The following TMIGD3 variants were observed in gnomAD, a reference collection of about 807,000 sequenced individuals.
TMIGD3 encodes transmembrane and immunoglobulin domain containing 3, also known as AD026 protein (AD026).
A neutral mutation model predicts 28.1 loss-of-function variants in TMIGD3; 21 were observed. The observed-to-expected ratio is 0.75, with a 90% confidence interval of 0.53 to 1.08. TMIGD3 has a LOEUF of 1.08. Among genes scored for constraint, TMIGD3 ranks in the 50% least tolerant of loss-of-function variants. TMIGD3 has a pLI of 0.00. For missense variants in TMIGD3, 416 were observed against 435.6 expected (o/e 0.96, Z 0.40); for synonymous variants, 151 against 162.1 (o/e 0.93, Z 0.52).
upstream of TMIGD3, among the ~76,000 whole-genome samples, chr1:111,507,492 G>A (rs1039202957): frequency 6.6e-6 from 1 of 152,174 alleles, no homozygotes; most frequent in Non-Finnish European, 1.5e-5. Context: ...AATAATCTGA[G>A]AGGCTGGCAG....
chr1:111,514,391 T>G (rs190046649), intron 1 of TMIGD3, among the ~76,000 whole-genome samples: 2 of 151,920 alleles, frequency 1.3e-5, no homozygotes, highest in African/African-American at 2.4e-5. Context: ...CAAAAAAAAT[T>G]CAGAAAAAAT....
At chr1:111,508,867 C>A (rs954710065) in intron 1 of TMIGD3, among the ~76,000 whole-genome samples, 5 of 152,168 alleles carry the variant, frequency 3.3e-5, no homozygotes, top group African/African-American at 1.2e-4. Flanking sequence ...GAGGCCGAGG[C>A]GGGCGGATCA....
intron 1 of TMIGD3, among the ~76,000 whole-genome samples, chr1:111,514,755 A>AG (rs2100997596): frequency 6.6e-6 from 1 of 152,280 alleles, no homozygotes; most frequent in African/African-American, 2.4e-5. Flanking sequence ...TTCCCCATGC[A>AG]GTAACACAAT....
At chr1:111,562,149 G>T (rs1460192040) in intron 1 of TMIGD3, among the ~76,000 whole-genome samples, 1 of 151,980 alleles carries the variant, frequency 6.6e-6, no homozygotes, top group Non-Finnish European at 1.5e-5. Flanking sequence ...TTTCTTGTGG[G>T]CAACGTGGAC....
At chr1:111,507,035 GTGTGTA>G (rs1655528873), upstream of TMIGD3, among the ~76,000 whole-genome samples, 3 of 53,756 alleles carry the variant, frequency 5.6e-5, no homozygotes, top group Non-Finnish European at 8.2e-5. Context: ...GTGTGTGTGT[GTGTGTA>G]TATATATATA....
intron 1 of TMIGD3, among the ~76,000 whole-genome samples, chr1:111,550,956 T>A (rs1345149892): frequency 1.3e-5 from 2 of 152,250 alleles, no homozygotes; most frequent in Non-Finnish European, 2.9e-5. Flanking sequence ...CATAGTGGAG[T>A]GACTCTTTTA....
intron 2 of TMIGD3, 118 bp downstream of exon 2, chr1:111,490,538 C>T (rs925859228): frequency 5.8e-5 from 40 of 688,638 alleles, no homozygotes; most frequent in Admixed American, 5.7e-4. Context: ...TTTCCCATCC[C>T]ACTCCTTAGA....
chr1:111,513,648 C>T (rs190607174), intron 1 of TMIGD3, among the ~76,000 whole-genome samples: 14 of 152,160 alleles, frequency 9.2e-5, no homozygotes, highest in African/African-American at 2.9e-4. Flanking sequence ...GAGGAAAGTT[C>T]GACACGGTTT....
At chr1:111,536,079 C>T (rs1319353434) in intron 1 of TMIGD3, among the ~76,000 whole-genome samples, 1 of 152,164 alleles carries the variant, frequency 6.6e-6, no homozygotes. Context: ...CCAAACACCA[C>T]TTCCATTTAT....
intron 1 of TMIGD3, among the ~76,000 whole-genome samples, chr1:111,555,690 T>G (rs1419607942): frequency 2.6e-5 from 4 of 152,126 alleles, no homozygotes; most frequent in African/African-American, 7.2e-5. Context: ...CAACAAATGG[T>G]GTTGGGAAAA....
At chr1:111,549,325 T>C (rs1657161748) in intron 1 of TMIGD3, among the ~76,000 whole-genome samples, 3 of 150,590 alleles carry the variant, frequency 2.0e-5, no homozygotes, top group East Asian at 3.9e-4. Flanking sequence ...TTTTTTTTTT[T>C]CTTGTCTTTT....
At chr1:111,541,665 TGAGAGAGAGAGAGAAA>T (rs59720888) in intron 1 of TMIGD3, among the ~76,000 whole-genome samples, 4,191 of 141,824 alleles carry the variant, frequency 0.03, 180 homozygotes, top group African/African-American at 0.1. Context: ...ACAAGGAAAA[TGAGAGAGAGAGAGAAA>T]GAGAGAGAGA....
intron 1 of TMIGD3, among the ~76,000 whole-genome samples, chr1:111,533,764 A>G (rs1471919371): frequency 6.6e-6 from 1 of 152,158 alleles, no homozygotes; most frequent in African/African-American, 2.4e-5. Context: ...CACGTTGCCC[A>G]GGCTGGTCTC....
At chr1:111,559,302 G>T (rs1015518965) in intron 1 of TMIGD3, among the ~76,000 whole-genome samples, 1 of 152,072 alleles carries the variant, frequency 6.6e-6, no homozygotes, top group Non-Finnish European at 1.5e-5. Context: ...CAGATTCAAA[G>T]AATTGGAAGG....
intron 1 of TMIGD3, among the ~76,000 whole-genome samples, chr1:111,537,995 T>C (rs572566349): frequency 6.6e-5 from 10 of 152,204 alleles, no homozygotes; most frequent in Non-Finnish European, 1.5e-4. Context: ...CCTTAAATAC[T>C]TAAGCATTTA....
intron 1 of TMIGD3, among the ~76,000 whole-genome samples, chr1:111,536,839 C>T (rs1264078155): frequency 1.3e-5 from 2 of 152,098 alleles, no homozygotes; most frequent in Non-Finnish European, 2.9e-5. Context: ...TTCATTCATC[C>T]CCCAGGCCCA....
At chr1:111,490,154 C>G (rs1654587259) in intron 2 of TMIGD3, among the ~76,000 whole-genome samples, 1 of 152,022 alleles carries the variant, frequency 6.6e-6, no homozygotes, top group Non-Finnish European at 1.5e-5. Flanking sequence ...GCCAGTGTTC[C>G]AAGTCTCATC....
chr1:111,485,906 A>G (rs1309921033), intron 4 of TMIGD3, 66 bp from the exon 5 acceptor site: 2 of 1,324,166 alleles, frequency 1.5e-6, no homozygotes, highest in Non-Finnish European at 2.1e-6. Context: ...TCAGCTCTGG[A>G]TCCCTTTTTC....
At chr1:111,515,061 C>A (rs1655813390) in intron 1 of TMIGD3, among the ~76,000 whole-genome samples, 1 of 152,226 alleles carries the variant, frequency 6.6e-6, no homozygotes, top group Admixed American at 6.5e-5. Context: ...CACATTGAAT[C>A]CAACTGCAAC....
Sources: allele counts gnomAD v4.1 joint callset (sites outside exome capture counted in the v4.1 genomes callset), GRCh38; gene constraint gnomAD v4.1.1; transcripts MANE v1.5; gene names NCBI Gene and HGNC (gene_info 2026-07-23, HGNC 2026-07-21).